The following ASIC2 variants were observed in gnomAD, a reference collection of about 807,000 sequenced individuals.
ASIC2 encodes the protein acid sensing ion channel subunit 2.
A neutral mutation model predicts 57.3 loss-of-function variants in ASIC2; 25 were observed. That is an observed-to-expected ratio of 0.44 (90% CI 0.32 to 0.61). ASIC2 has a LOEUF of 0.61. Ranked by LOEUF, ASIC2 falls within the 20% of genes least tolerant of loss-of-function variation. The pLI, the probability that ASIC2 is intolerant of heterozygous loss-of-function variation, is 0.06. For synonymous variants in ASIC2, 319 were observed against 307.5 expected, an observed-to-expected ratio of 1.04 and a Z score of -0.39; for missense variants, 641 against 738.1, an observed-to-expected ratio of 0.87 and a Z score of 1.52.
intron 1 of ASIC2, among the ~76,000 whole-genome samples, chr17:34,075,143 G>C (rs1243162375): frequency 1.3e-5 from 2 of 152,122 alleles, no homozygotes; most frequent in African/African-American, 2.4e-5. Context: ...GTGCTTGTGA[G>C]AGAGGAGAAG....
intron 1 of ASIC2, among the ~76,000 whole-genome samples, chr17:33,757,160 T>A (rs1489394483): frequency 6.6e-6 from 1 of 152,202 alleles, no homozygotes; most frequent in Non-Finnish European, 1.5e-5. Flanking sequence ...CCTGCCCTTC[T>A]CTTCCTTTTC....
chr17:33,185,170 A>C (rs1297152736), intron 1 of ASIC2, among the ~76,000 whole-genome samples: 1 of 152,130 alleles, frequency 6.6e-6, no homozygotes, highest in Non-Finnish European at 1.5e-5. Context: ...TAAGAATTAG[A>C]CTCATCTATT....
chr17:33,513,700 GTCTGT>G (rs768231882), intron 1 of ASIC2, among the ~76,000 whole-genome samples: 6 of 152,206 alleles, frequency 3.9e-5, no homozygotes, highest in Non-Finnish European at 5.9e-5. Context: ...TCAGTTTAGT[GTCTGT>G]TCTCCTTCCT....
At chr17:33,114,142 G>C (rs2092271289) in intron 1 of ASIC2, among the ~76,000 whole-genome samples, 1 of 152,216 alleles carries the variant, frequency 6.6e-6, no homozygotes, top group African/African-American at 2.4e-5. Flanking sequence ...CTGGCCAGCT[G>C]CACTATTTCA....
chr17:33,613,666 C>G (rs1489631935), intron 1 of ASIC2, among the ~76,000 whole-genome samples: 3 of 152,152 alleles, frequency 2.0e-5, no homozygotes, highest in Non-Finnish European at 4.4e-5. Flanking sequence ...CGCGCCTGGC[C>G]CACATGTATT....
intron 3 of ASIC2, among the ~76,000 whole-genome samples, chr17:33,078,149 C>T (rs1181783694): frequency 6.6e-6 from 1 of 152,128 alleles, no homozygotes; most frequent in Non-Finnish European, 1.5e-5. Flanking sequence ...AGTCCATAGA[C>T]ATTAGGGCTC....
intron 1 of ASIC2, among the ~76,000 whole-genome samples, chr17:34,104,917 G>C (rs1208782190): frequency 6.6e-6 from 1 of 151,768 alleles, no homozygotes; most frequent in Non-Finnish European, 1.5e-5. Flanking sequence ...TAATGTCTTT[G>C]TCATGGTTTG....
At chr17:33,807,858 T>A (rs36081088) in intron 1 of ASIC2, among the ~76,000 whole-genome samples, 1 of 152,316 alleles carries the variant, frequency 6.6e-6, no homozygotes, top group East Asian at 1.9e-4. Context: ...GAGATATTTG[T>A]TAAAGTCTTT....
intron 1 of ASIC2, among the ~76,000 whole-genome samples, chr17:33,740,470 C>T (rs147041347): frequency 3.9e-5 from 6 of 152,280 alleles, no homozygotes; most frequent in East Asian, 1.9e-4. Flanking sequence ...TGTCAGATCT[C>T]GTGAGAGCTC....
chr17:34,121,746 T>C (rs941345604), intron 1 of ASIC2, among the ~76,000 whole-genome samples: 1 of 152,162 alleles, frequency 6.6e-6, no homozygotes, highest in Admixed American at 6.5e-5. Flanking sequence ...GCCCCTACAT[T>C]CCCATGCACC....
intron 1 of ASIC2, among the ~76,000 whole-genome samples, chr17:33,352,430 C>T (rs1160607099): frequency 6.6e-6 from 1 of 152,188 alleles, no homozygotes; most frequent in African/African-American, 2.4e-5. Flanking sequence ...TTACCTTGTG[C>T]TTGCACCTCT....
intron 1 of ASIC2, among the ~76,000 whole-genome samples, chr17:33,812,436 G>C (rs1178414888): frequency 2.0e-5 from 3 of 152,186 alleles, no homozygotes; most frequent in Non-Finnish European, 4.4e-5. Flanking sequence ...AGATTGGAGA[G>C]GAGAGCAAGA....
At chr17:33,352,088 G>A (rs1908206776) in intron 1 of ASIC2, among the ~76,000 whole-genome samples, 2 of 151,808 alleles carry the variant, frequency 1.3e-5, no homozygotes, top group South Asian at 4.2e-4. Context: ...CTACTCCCTG[G>A]GTTAGCACCT....
chr17:33,846,756 G>T (rs1913617373), intron 1 of ASIC2, among the ~76,000 whole-genome samples: 1 of 146,720 alleles, frequency 6.8e-6, no homozygotes, highest in Non-Finnish European at 1.5e-5. Context: ...ACGGAGTCTT[G>T]CTCTGTCGCC....
rs182347490 is a variant in ASIC2, at chr17:33,310,964, G to C, written c.556-198897C>G. Among the ~76,000 whole-genome samples, 77 of 152,284 alleles carry C rather than the reference G, an allele frequency of 5.1e-4. 1 individual carries two copies. The highest frequency in any genetic ancestry group is 4.2e-3 in the Admixed American group (64 of 15,302). On this transcript the variant is annotated intron_variant, in intron 1 of 9. Transcript: ENST00000359872. ...AGCTTTCTTGGGAATCACAAAGCCT[G>C]ATTTTACAGCTTTGGTTAGAGATGC... is the stretch of plus-strand genomic sequence containing the variant.
chr17:33,756,801 T>A (rs192054349), intron 1 of ASIC2, among the ~76,000 whole-genome samples: 4 of 152,358 alleles, frequency 2.6e-5, no homozygotes, highest in Non-Finnish European at 5.9e-5. Flanking sequence ...CAGTGGAAGA[T>A]GCTGTATTGG....
At chr17:33,640,110 A>G (rs1393197734) in intron 1 of ASIC2, among the ~76,000 whole-genome samples, 1 of 152,066 alleles carries the variant, frequency 6.6e-6, no homozygotes, top group Non-Finnish European at 1.5e-5. Context: ...TAGGGGATGC[A>G]ATGGAGAGAA....
At chr17:33,162,815 T>C (rs1310522009) in intron 1 of ASIC2, among the ~76,000 whole-genome samples, 1 of 152,214 alleles carries the variant, frequency 6.6e-6, no homozygotes, top group Non-Finnish European at 1.5e-5. Context: ...TCCTTCCTGG[T>C]AGCAGCTCCC....
At chr17:33,522,447 C>T (rs545220211) in intron 1 of ASIC2, among the ~76,000 whole-genome samples, 6 of 152,284 alleles carry the variant, frequency 3.9e-5, no homozygotes, top group East Asian at 3.9e-4. Flanking sequence ...GTAGGGGCAG[C>T]GGCTTGGCAG....
Sources: gnomAD v4.1 joint callset for allele counts (sites outside exome capture counted in the v4.1 genomes callset) on GRCh38, gnomAD v4.1.1 for gene constraint, MANE v1.5 for transcripts, NCBI Gene and HGNC (gene_info 2026-07-23, HGNC 2026-07-21) for gene names.